B3GAT2: variants seen among roughly 807,000 people sequenced by gnomAD.
B3GAT2 encodes the protein beta-1,3-glucuronyltransferase 2.
Under a neutral mutation model 27.8 loss-of-function variants are expected in B3GAT2, and 26 were observed. That is an observed-to-expected ratio of 0.93 (90% CI 0.68 to 1.30). The LOEUF is 1.30. B3GAT2 is among the 50% of genes most tolerant of loss of function. B3GAT2 has a pLI of 0.00. For synonymous variants in B3GAT2, 218 were observed against 195.1 expected (o/e 1.12, Z -0.98); for missense variants, 458 against 459.0 (o/e 1.00, Z 0.02).
At chr6:70,899,129 A>G (rs1259519243) in intron 1 of B3GAT2, among the ~76,000 whole-genome samples, 1 of 152,232 alleles carries the variant, frequency 6.6e-6, no homozygotes, top group African/African-American at 2.4e-5. Context: ...ACAGAAGGCA[A>G]AAGACATTTT....
chr6:70,926,665 A>G (rs1455601960), intron 1 of B3GAT2, among the ~76,000 whole-genome samples: 2 of 152,222 alleles, frequency 1.3e-5, no homozygotes, highest in Non-Finnish European at 2.9e-5. Flanking sequence ...TCCAAGAAAT[A>G]TGGGACTATG....
At chr6:70,896,924 A>G (rs1041148479) in intron 1 of B3GAT2, among the ~76,000 whole-genome samples, 5 of 152,202 alleles carry the variant, frequency 3.3e-5, no homozygotes, top group African/African-American at 9.7e-5. Context: ...AGATAAATAC[A>G]TAGAAGTGGA....
chr6:70,895,832 A>AG (rs1772374532), intron 1 of B3GAT2, among the ~76,000 whole-genome samples: 1 of 137,104 alleles, frequency 7.3e-6, no homozygotes, highest in Non-Finnish European at 1.6e-5. Context: ...AACTTTTACA[A>AG]CTTTTTTTTT....
intron 1 of B3GAT2, among the ~76,000 whole-genome samples, chr6:70,901,678 C>A (rs1466709069): frequency 6.6e-6 from 1 of 152,224 alleles, no homozygotes; most frequent in Non-Finnish European, 1.5e-5. Context: ...CCATCATTCC[C>A]CACTGCAGTC....
chr6:70,871,367 G>A (rs1771934765), intron 2 of B3GAT2, among the ~76,000 whole-genome samples: 1 of 151,764 alleles, frequency 6.6e-6, no homozygotes, highest in Non-Finnish European at 1.5e-5. Flanking sequence ...GAAGTCACCA[G>A]TAAAGCCATC....
At chr6:70,879,682 G>C (rs1450056497) in intron 2 of B3GAT2, among the ~76,000 whole-genome samples, 1 of 152,082 alleles carries the variant, frequency 6.6e-6, no homozygotes, top group Admixed American at 6.5e-5. Context: ...ATGAAGGAAG[G>C]GTGCGGGTGC....
intron 2 of B3GAT2, among the ~76,000 whole-genome samples, chr6:70,877,384 A>G (rs1400039502): frequency 6.6e-6 from 1 of 152,170 alleles, no homozygotes; most frequent in Non-Finnish European, 1.5e-5. Flanking sequence ...CTCTCACTCC[A>G]TGGCCAGGCA....
chr6:70,877,628 G>A (rs1165080625), intron 2 of B3GAT2, among the ~76,000 whole-genome samples: 2 of 152,138 alleles, frequency 1.3e-5, no homozygotes, highest in Admixed American at 1.3e-4. Context: ...TTGAACCTTG[G>A]TGTAGCCTGA....
At chr6:70,870,221 A>C (rs1771911602) in intron 2 of B3GAT2, among the ~76,000 whole-genome samples, 1 of 152,002 alleles carries the variant, frequency 6.6e-6, no homozygotes, top group African/African-American at 2.4e-5. Flanking sequence ...ATCAAAAATG[A>C]TGAGTTCATG....
intron 1 of B3GAT2, among the ~76,000 whole-genome samples, chr6:70,933,796 C>T (rs1291134893): frequency 1.3e-5 from 2 of 152,176 alleles, no homozygotes; most frequent in Non-Finnish European, 2.9e-5. Flanking sequence ...GGCTTTGTGA[C>T]ATCTTGTCTT....
intron 1 of B3GAT2, among the ~76,000 whole-genome samples, chr6:70,920,546 C>T: frequency 6.6e-6 from 1 of 152,202 alleles, no homozygotes; most frequent in Admixed American, 6.5e-5. Context: ...TCCTATCCTG[C>T]CATTTGGAGC....
intron 1 of B3GAT2, among the ~76,000 whole-genome samples, chr6:70,949,086 T>G (rs1052171266): frequency 6.6e-6 from 1 of 152,078 alleles, no homozygotes; most frequent in African/African-American, 2.4e-5. Context: ...ACGTTAGACC[T>G]AAAACCATAA....
intron 1 of B3GAT2, among the ~76,000 whole-genome samples, chr6:70,899,379 C>G (rs1772453680): frequency 6.6e-6 from 1 of 152,162 alleles, no homozygotes; most frequent in Non-Finnish European, 1.5e-5. Context: ...ATTCCTGTGC[C>G]AATTTCATGC....
At chr6:70,940,594 C>T (rs1244531547) in intron 1 of B3GAT2, among the ~76,000 whole-genome samples, 1 of 152,074 alleles carries the variant, frequency 6.6e-6, no homozygotes, top group African/African-American at 2.4e-5. Context: ...TAACTATGTC[C>T]TAGGTCCACA....
At position 70,956,562 on chromosome 6, in the gene B3GAT2, C is replaced by T. The variant is rs1179806349; in HGVS notation, c.-133G>A. 3.4e-6 allele frequency: 5 copies of T among 1,471,962 alleles called. No homozygotes were observed. The highest frequency in any genetic ancestry group is 2.5e-5 in the East Asian group (1 of 40,168). 91.2% of individuals were successfully genotyped at this position (1,471,962 alleles called of 1,614,324 possible). ...TGCGCTGTCCATGGGGCCGAGGGCG[C>T]TGCAGAGACCTGGAGCCGCGGGGCT... On this transcript the variant is annotated 5_prime_UTR_variant, in exon 1 of 4. Coordinates refer to ENST00000230053, the MANE Select transcript of B3GAT2 (RefSeq NM_080742.3).
intron 1 of B3GAT2, among the ~76,000 whole-genome samples, chr6:70,933,225 C>A (rs901820880): frequency 3.3e-5 from 5 of 152,134 alleles, no homozygotes; most frequent in African/African-American, 4.8e-5. Flanking sequence ...ACAGAAACTG[C>A]AAGCACTGTC....
chr6:70,910,312 C>T (rs955181309), intron 1 of B3GAT2, among the ~76,000 whole-genome samples: 9 of 152,100 alleles, frequency 5.9e-5, no homozygotes, highest in African/African-American at 2.2e-4. Context: ...TTTTTCTCTC[C>T]TCATCCTCCT....
chr6:70,945,651 C>G (rs983508954), intron 1 of B3GAT2, among the ~76,000 whole-genome samples: 1 of 148,272 alleles, frequency 6.7e-6, no homozygotes, highest in Non-Finnish European at 1.5e-5. Context: ...ACACTCGGCA[C>G]GATATTATCC....
chr6:70,915,199 G>C (rs922190345), intron 1 of B3GAT2, among the ~76,000 whole-genome samples: 2 of 151,734 alleles, frequency 1.3e-5, no homozygotes, highest in African/African-American at 4.8e-5. Context: ...CTGCATAACT[G>C]TCTTCTTTTG....
Sources: gnomAD v4.1 joint callset for allele counts (sites outside exome capture counted in the v4.1 genomes callset) on GRCh38, gnomAD v4.1.1 for gene constraint, MANE v1.5 for transcripts, NCBI Gene and HGNC (gene_info 2026-07-23, HGNC 2026-07-21) for gene names.